The following PTPRB variants were observed in gnomAD, a reference collection of about 807,000 sequenced individuals.
The protein encoded by PTPRB is protein tyrosine phosphatase receptor type B.
In PTPRB, 97 loss-of-function variants were observed where a neutral mutation model predicts 238.1. The ratio of observed to expected loss-of-function variants is 0.41; its 90% CI spans 0.35 to 0.48. The LOEUF is 0.48. Ranked by LOEUF, PTPRB falls within the 20% of genes least tolerant of loss-of-function variation. PTPRB has a pLI of 0.30. For missense variants in PTPRB, 2,292 were observed against 2,681.9 expected (o/e 0.85, Z 3.21); for synonymous variants, 970 against 995.4 (o/e 0.97, Z 0.48).
chr12:70,551,684 C>T (rs1444997432), intron 21 of PTPRB, among the ~76,000 whole-genome samples: 2 of 152,136 alleles, frequency 1.3e-5, no homozygotes, highest in Non-Finnish European at 2.9e-5. Context: ...GGTATCAGCT[C>T]TTCCAACACC....
chr12:70,545,828 G>A (rs1050398040), intron 21 of PTPRB, among the ~76,000 whole-genome samples: 1 of 152,210 alleles, frequency 6.6e-6, no homozygotes, highest in African/African-American at 2.4e-5. Context: ...AGAGAACAGT[G>A]GGATCATTGA....
rs1881368891 is a variant in PTPRB, at chr12:70,581,317, A to G, written c.2312-15T>C. On this transcript the variant is annotated splice_polypyrimidine_tract_variant and intron_variant, in intron 9 of 33. Transcript: ENST00000334414. ...TTGGGCAGGCACTAAAACAGTAGACAGAAGAAAAAACAAATGACACTTAGT... is the reference window on the plus strand; with the variant it reads ...TTGGGCAGGCACTAAAACAGTAGACGGAAGAAAAAACAAATGACACTTAGT... The G allele has an allele frequency of 8.8e-6, 14 of 1,585,008 alleles. No individual in the cohort carries two copies. The highest frequency in any genetic ancestry group is 1.2e-5 in the Non-Finnish European group (14 of 1,166,604).
intron 32 of PTPRB, among the ~76,000 whole-genome samples, chr12:70,526,344 A>C (rs1000050496): frequency 1.3e-5 from 2 of 152,126 alleles, no homozygotes; most frequent in Non-Finnish European, 2.9e-5. Context: ...TTGGGATTAT[A>C]GGTATGGACC....
At chr12:70,632,804 G>A (rs924946707) in intron 2 of PTPRB, among the ~76,000 whole-genome samples, 3 of 152,150 alleles carry the variant, frequency 2.0e-5, no homozygotes, top group African/African-American at 7.2e-5. Flanking sequence ...CATTTAGTCA[G>A]CTTAGAGGAT....
Position 70,624,251 on chromosome 12 carries a change from A to AG in PTPRB, c.452-1606_452-1605insC, listed in dbSNP as rs1229547781. On this transcript the variant is annotated intron_variant, in intron 2 of 33. Transcript: ENST00000334414. ...CATACTATGTATTAGTAATATACTT[A>AG]TACTAAAGATTATTTGTTATTTATC... Among the ~76,000 whole-genome samples, 10 of 152,306 alleles carry AG rather than the reference A, an allele frequency of 6.6e-5. No individual in the cohort carries two copies. In the South Asian group the frequency reaches 8.3e-4, roughly 13 times the overall value.
intron 6 of PTPRB, 45 bp downstream of exon 6, chr12:70,594,422 C>A: frequency 6.2e-7 from 1 of 1,601,680 alleles, no homozygotes; most frequent in South Asian, 1.1e-5. Flanking sequence ...TAAACATTCC[C>A]TTGATTTCAC....
chr12:70,530,001 G>GCAAT (rs1451395481), intron 32 of PTPRB, among the ~76,000 whole-genome samples: 1 of 152,064 alleles, frequency 6.6e-6, no homozygotes, highest in Non-Finnish European at 1.5e-5. Flanking sequence ...CCATGAAAAA[G>GCAAT]CAATCAGCCA....
chr12:70,535,989 A>G (rs374328210), intron 29 of PTPRB, 36 bp downstream of exon 29: 2 of 1,607,830 alleles, frequency 1.2e-6, no homozygotes, highest in African/African-American at 2.7e-5. Flanking sequence ...GGTGGCAGAA[A>G]GCAAAGCTTT....
At chr12:70,616,121 T>C (rs1262943996) in intron 3 of PTPRB, among the ~76,000 whole-genome samples, 2 of 152,172 alleles carry the variant, frequency 1.3e-5, no homozygotes, top group African/African-American at 4.8e-5. Flanking sequence ...AAATTATTTA[T>C]TTTATAGAGA....
intron 1 of PTPRB, among the ~76,000 whole-genome samples, 197 bp from the exon 2 acceptor site, chr12:70,636,263 A>G (rs898599497): frequency 3.9e-5 from 6 of 151,956 alleles, no homozygotes; most frequent in African/African-American, 7.2e-5. Context: ...TAAAATGTCA[A>G]TATGTTACAC....
chr12:70,597,428 T>C (rs1883129673), intron 4 of PTPRB, among the ~76,000 whole-genome samples: 1 of 152,162 alleles, frequency 6.6e-6, no homozygotes, highest in African/African-American at 2.4e-5. Context: ...CATATCAGGA[T>C]TAGGAACTAA....
intron 4 of PTPRB, among the ~76,000 whole-genome samples, chr12:70,598,935 T>C (rs1201861932): frequency 6.6e-6 from 1 of 152,186 alleles, no homozygotes; most frequent in Non-Finnish European, 1.5e-5. Context: ...GTCAATCCTT[T>C]GTACATCCGC....
chr12:70,572,593 C>A (rs1880196487), intron 11 of PTPRB, among the ~76,000 whole-genome samples: 1 of 151,670 alleles, frequency 6.6e-6, no homozygotes, highest in Non-Finnish European at 1.5e-5. Flanking sequence ...CATGGTGAAA[C>A]CCCGTCTCTA....
chr12:70,637,203 T>C (rs1281829799), intron 1 of PTPRB, 138 bp downstream of exon 1: 1 of 704,826 alleles, frequency 1.4e-6, no homozygotes, highest in African/African-American at 1.8e-5. Context: ...CTCCTTTTAT[T>C]CCTGCTTTTC....
At position 70,517,832 on chromosome 12, in the gene PTPRB, C is replaced by G. The variant is rs180851055; in HGVS notation, c.*3657G>C. ...AGCTTTATGATTTCAGGATTCCAAC[C>G]TCAAAGAATTCTTAGAAAGCTAAGT... On this transcript the variant is annotated 3_prime_UTR_variant, in exon 34 of 34. Coordinates refer to ENST00000334414, the MANE Select transcript of PTPRB (RefSeq NM_001109754.4). 1.3e-5 allele frequency: 2 copies of G among 152,186 alleles called. No individual in the cohort carries two copies. The highest frequency in any genetic ancestry group is 3.9e-4 in the East Asian group (2 of 5,178). 9.4% of individuals were successfully genotyped at this position (152,186 alleles called of 1,614,324 possible). A position where few individuals can be genotyped will look rare whatever the true frequency, so the allele number is the denominator to read the frequency against.
At position 70,540,861 on chromosome 12, in the gene PTPRB, A is replaced by G; in HGVS notation, c.5591T>C (p.Val1864Ala). ...CCAAAAGGATCTTTGTACTTACCTC[A>G]CTTTCTGTCTGCAGATCAATAAGGC... ...VVALLICRQKVSHGRERPSAR... is the reference protein window; with the variant it reads ...VVALLICRQKASHGRERPSAR... The change falls in exon 23 of 34, where the codon GTG becomes GCG. Residue 1864 changes from valine (V) to alanine (A), a missense_variant. Transcript: ENST00000334414. 6.3e-7 allele frequency: 1 copy of G among 1,595,452 alleles called. No individual in the cohort carries two copies. The highest frequency in any genetic ancestry group is 1.1e-5 in the South Asian group (1 of 87,530).
At position 70,521,497 on chromosome 12, in the gene PTPRB, T is replaced by G; in HGVS notation, c.6640A>C (p.Arg2214=). ...GCTCTTCAGGTACATTCTCAATGCCTTGAATAGACTGGATCTGAAAGGAAG... is the reference window on the plus strand; with the variant it reads ...GCTCTTCAGGTACATTCTCAATGCCGTGAATAGACTGGATCTGAAAGGAAG... The part of the protein sequence containing the change: ...PEYHRDPVYS[R]H The change falls in exon 34 of 34, where the codon AGG becomes CGG. Residue 2214 remains arginine, a synonymous_variant. Transcript: ENST00000334414. 2 of 1,546,266 alleles carry G rather than the reference T, an allele frequency of 1.3e-6. No homozygotes were observed. Among genetic ancestry groups the G allele is most frequent in the Non-Finnish European group, 1.7e-6 (2 of 1,145,848 alleles).
At chr12:70,532,475 A>T (rs2136225690) in intron 31 of PTPRB, among the ~76,000 whole-genome samples, 2 of 152,290 alleles carry the variant, frequency 1.3e-5, no homozygotes, top group East Asian at 3.9e-4. Context: ...TAAATCTATA[A>T]ACATTTATGT....
At chr12:70,559,762 G>A in intron 17 of PTPRB, 138 bp from the exon 18 acceptor site, 5 of 823,864 alleles carry the variant, frequency 6.1e-6, no homozygotes, top group East Asian at 2.7e-5. Flanking sequence ...ATAGTAGCAG[G>A]AGCTTTCATT....
Sources: gnomAD v4.1 joint callset for allele counts (sites outside exome capture counted in the v4.1 genomes callset) on GRCh38, gnomAD v4.1.1 for gene constraint, MANE v1.5 for transcripts, NCBI Gene and HGNC (gene_info 2026-07-23, HGNC 2026-07-21) for gene names.